Variants in PHRF1 observed in about 807,000 individuals in gnomAD.
PHRF1 encodes PHD and ring finger domains 1.
A neutral mutation model predicts 128.9 loss-of-function variants in PHRF1; 53 were observed. The observed-to-expected ratio is 0.41, with a 90% CI of 0.33 to 0.52. The LOEUF is 0.52. Among genes scored for constraint, PHRF1 ranks in the 20% least tolerant of loss-of-function variants. PHRF1 has a pLI of 0.21. For missense variants in PHRF1, 2,503 were observed against 2,284.5 expected (o/e 1.10, Z -1.95); for synonymous variants, 1,178 against 980.6 (o/e 1.20, Z -3.76).
chr11:608,075 G>A lies in PHRF1; in HGVS notation c.2619G>A (p.Val873=). The part of the protein sequence containing the change: ...ISINSPKAQT[V]QAVRCVTSYT... ...TCAACAGCCCGAAGGCCCAGACGGTGCAGGCTGTGCGCTGCGTCACCTCCT... is the reference window on the plus strand; with the variant it reads ...TCAACAGCCCGAAGGCCCAGACGGTACAGGCTGTGCGCTGCGTCACCTCCT... Residue 873 remains valine, a synonymous_variant, in exon 14 of 18, where the codon GTG becomes GTA. Transcript: ENST00000264555. 6.2e-7 allele frequency: 1 copy of A among 1,611,550 alleles called. No homozygotes were observed. Among genetic ancestry groups the A allele is most frequent in the Non-Finnish European group, 8.5e-7 (1 of 1,179,860 alleles).
Position 581,501 on chromosome 11 carries a change from C to T in PHRF1, c.-12C>T. On this transcript the variant is annotated 5_prime_UTR_variant, in exon 2 of 18. Coordinates refer to ENST00000264555, the MANE Select transcript of PHRF1 (RefSeq NM_001286581.2). ...CTCTTCTTTCTTTCAGAGCTGAGCT[C>T]AATGTGCAGCAATGGATGACGACAG... is the stretch of plus-strand genomic sequence containing the variant. 1.2e-6 allele frequency: 2 copies of T among 1,613,168 alleles called. No homozygotes were observed. The highest frequency in any genetic ancestry group is 1.7e-6 in the Non-Finnish European group (2 of 1,179,700).
chr11:582,595 G>A (rs184089481), intron 3 of PHRF1, among the ~76,000 whole-genome samples: 1 of 152,020 alleles, frequency 6.6e-6, no homozygotes, highest in East Asian at 2.0e-4. Flanking sequence ...CGCGATCTCG[G>A]CTCACTGCAA....
At position 587,747 on chromosome 11, in the gene PHRF1, G is replaced by A. The variant is rs546949016; in HGVS notation, c.420+283G>A. Among the ~76,000 whole-genome samples the A allele has an allele frequency of 2.6e-5, 4 of 152,302 alleles. No homozygotes were observed. In the East Asian group the frequency reaches 5.8e-4, roughly 22 times the overall value. On this transcript the variant is annotated intron_variant, in intron 4 of 17. Coordinates refer to ENST00000264555, the MANE Select transcript of PHRF1 (RefSeq NM_001286581.2). ...AGCTGCAGAAACCCTGGTTGACATAGGGGCCATCTTGGCCTGCAAGCCAGA... is the reference window on the plus strand; with the variant it reads ...AGCTGCAGAAACCCTGGTTGACATAAGGGCCATCTTGGCCTGCAAGCCAGA...
chr11:583,989 G>A (rs562984240), intron 3 of PHRF1, among the ~76,000 whole-genome samples: 1 of 152,368 alleles, frequency 6.6e-6, no homozygotes, highest in Non-Finnish European at 1.5e-5. Flanking sequence ...TGATCTGTGT[G>A]TAGCAGTCTT....
rs780226285 is a variant in PHRF1 at position 597,017 on chromosome 11, G to T, written c.715G>T (p.Ala239Ser). ...TGCTGCGCCTGGTGTTGTCCTTGCC[G>T]CTGGTAAGGACACTGCTCCCGTCCC... Reference protein sequence around the residue: ...ECAAPGVVLAADAGPVSEEEV... With the variant: ...ECAAPGVVLASDAGPVSEEEV... Residue 239 changes from alanine (A) to serine (S), a missense_variant, in exon 7 of 18, where the codon GCT becomes TCT. Transcript: ENST00000264555. The surrounding 1 kb of genome is among the most constrained non-coding windows in gnomAD (Gnocchi z 6.5). 2 of 1,613,390 alleles carry T rather than the reference G, an allele frequency of 1.2e-6. No individual in the cohort carries two copies. Among genetic ancestry groups the T allele is most frequent in the South Asian group, 2.2e-5 (2 of 91,056 alleles).
Position 605,294 on chromosome 11 carries a change from T to G in PHRF1, c.1328T>G (p.Phe443Cys), listed in dbSNP as rs755876372. Residue 443 changes from phenylalanine to cysteine, a missense_variant, in exon 11 of 18, where the codon TTC (phenylalanine) becomes TGC (cysteine). Physicochemically the swap from Phe to Cys is radical, Grantham distance 205 (BLOSUM62 -2). Coordinates refer to ENST00000264555, the MANE Select transcript of PHRF1 (RefSeq NM_001286581.2). ...LFGDPYELDPFDSSEELSANP... is the reference protein window; with the variant it reads ...LFGDPYELDPCDSSEELSANP... ...GGAGATCCTTATGAGCTGGATCCCT[T>G]CGACAGGTGAGTGAACTGGTGATGG... is the stretch of plus-strand genomic sequence containing the variant. 1 of 1,613,126 alleles carries G rather than the reference T, an allele frequency of 6.2e-7. No individual in the cohort carries two copies. Among genetic ancestry groups the G allele is most frequent in the Admixed American group, 1.7e-5 (1 of 60,018 alleles).
chr11:608,831 C>T lies in PHRF1; in HGVS notation c.3375C>T (p.Pro1125=). The T allele has an allele frequency of 1.9e-6, 3 of 1,612,176 alleles. No homozygotes were observed. Among genetic ancestry groups the T allele is most frequent in the African/African-American group, 1.3e-5 (1 of 75,032 alleles). ...ASRPRGRECS[P]TSSLERLCRH... The stretch of plus-strand genomic sequence containing the variant: ...GACCTCGGGGAAGGGAGTGCTCCCC[C>T]ACCAGCAGCCTGGAGAGGCTCTGCA... The change falls in exon 14 of 18, where the codon CCC becomes CCT. Residue 1125 remains proline, a synonymous_variant. Coordinates refer to ENST00000264555, the MANE Select transcript of PHRF1 (RefSeq NM_001286581.2).
Position 597,232 on chromosome 11 carries a change from G to A in PHRF1, c.719-163G>A, listed in dbSNP as rs953409571. ...TGGGGTCCATTGGCTGGGGGGTTCC[G>A]GTCCTCAGTGTTAGGAGCACCAGGC... On this transcript the variant is annotated intron_variant, in intron 7 of 17. Coordinates refer to ENST00000264555, the MANE Select transcript of PHRF1 (RefSeq NM_001286581.2). This position sits in a 1 kb window ranked among gnomAD's most constrained non-coding sequence, Gnocchi z 6.5. Among the ~76,000 whole-genome samples the A allele has an allele frequency of 1.3e-5, 2 of 151,990 alleles. No individual in the cohort carries two copies. Among genetic ancestry groups the A allele is most frequent in the Non-Finnish European group, 2.9e-5 (2 of 67,980 alleles).
chr11:611,852 C>A lies in PHRF1; in HGVS notation c.*75C>A. 1 of 1,510,034 alleles carries A rather than the reference C, an allele frequency of 6.6e-7. No individual in the cohort carries two copies. Among genetic ancestry groups the A allele is most frequent in the Non-Finnish European group, 8.8e-7 (1 of 1,131,890 alleles). The allele number at this position is 1,510,034 out of a possible 1,614,324, so 93.5% of individuals were successfully genotyped here. ...ATCGGGGCCATGCCCGGGGAGCTGT[C>A]GGGAGTGGCGGGAATCGGGGCCATG... On this transcript the variant is annotated 3_prime_UTR_variant, in exon 18 of 18. Coordinates refer to ENST00000264555, the MANE Select transcript of PHRF1 (RefSeq NM_001286581.2).
At chr11:591,933 G>A (rs1589874257) in intron 5 of PHRF1, among the ~76,000 whole-genome samples, 4 of 125,260 alleles carry the variant, frequency 3.2e-5, no homozygotes, top group East Asian at 2.5e-4. Context: ...TTTTTTTCCC[G>A]AGACAAGAGT....
At position 597,396 on chromosome 11, in the gene PHRF1, T is replaced by C; in HGVS notation, c.720T>C (p.Asp240=). 1 of 1,611,438 alleles carries C rather than the reference T, an allele frequency of 6.2e-7. No individual in the cohort carries two copies. The highest frequency in any genetic ancestry group is 8.5e-7 in the Non-Finnish European group (1 of 1,178,560). The change falls in exon 8 of 18, where the codon GAT becomes GAC. Residue 240 remains aspartate, a splice_region_variant and synonymous_variant. Transcript: ENST00000264555. This position sits in a 1 kb window ranked among gnomAD's most constrained non-coding sequence, Gnocchi z 6.5. ...CAAPGVVLAA[D]AGPVSEEEVS... ...ATCAGCCCTGGTGGTTCTTCCCAGA[T>C]GCGGGTCCCGTGAGTGAGGAGGAGG... is the stretch of plus-strand genomic sequence containing the variant.
In PHRF1 at chr11:597,413, A is replaced by G. The variant is rs1339921672; in HGVS notation, c.737A>G (p.Glu246Gly). ...VLAADAGPVS[E>G]EEVSLLLADV... ...TTCCCAGATGCGGGTCCCGTGAGTG[A>G]GGAGGAGGTCTCCCTGCTCTTGGCT... Residue 246 changes from glutamate (E) to glycine (G), a missense_variant, in exon 8 of 18, where the codon GAG (glutamate) becomes GGG (glycine). Transcript: ENST00000264555. The surrounding 1 kb of genome is among the most constrained non-coding windows in gnomAD (Gnocchi z 6.5). 6.2e-7 allele frequency: 1 copy of G among 1,612,866 alleles called. No individual in the cohort carries two copies. Among genetic ancestry groups the G allele is most frequent in the Non-Finnish European group, 8.5e-7 (1 of 1,179,470 alleles).
chr11:609,646 G>C lies in PHRF1; in HGVS notation c.4190G>C (p.Arg1397Thr), dbSNP rs1461762657. The C allele has an allele frequency of 6.4e-7, 1 of 1,571,262 alleles. No individual in the cohort carries two copies. Among genetic ancestry groups the C allele is most frequent in the Non-Finnish European group, 8.6e-7 (1 of 1,160,676 alleles). Residue 1397 changes from arginine to threonine, a missense_variant, in exon 14 of 18, where the codon AGA becomes ACA. Coordinates refer to ENST00000264555, the MANE Select transcript of PHRF1 (RefSeq NM_001286581.2). ...VVSQTPLLRS[R>T]ALVKRVTWNL... ...TCGCAGACCCCCCTGCTGCGGTCCA[G>C]AGCCCTGGTGAAGCGGGTCACCTGG...
At position 609,288 on chromosome 11, in the gene PHRF1, G is replaced by A. The variant is rs1019273387; in HGVS notation, c.3832G>A (p.Ala1278Thr). 1.2e-5 allele frequency: 19 copies of A among 1,612,242 alleles called. No individual in the cohort carries two copies. The highest frequency in any genetic ancestry group is 1.6e-4 in the Middle Eastern group (1 of 6,084). The stretch of plus-strand genomic sequence containing the variant: ...CGTCTTTGATGATTTCTCAAGCGAC[G>A]CCGTTTTCATCCAGCTCGATGACAT... ...GHVFDDFSSDAVFIQLDDMSS... is the reference protein window; with the variant it reads ...GHVFDDFSSDTVFIQLDDMSS... Residue 1278 changes from alanine (A) to threonine (T), a missense_variant, in exon 14 of 18, where the codon GCC (alanine) becomes ACC (threonine). Physicochemically the swap from Ala to Thr is moderately conservative, Grantham distance 58. Transcript: ENST00000264555.
intron 6 of PHRF1, among the ~76,000 whole-genome samples, chr11:594,429 A>G (rs1855166367): frequency 1.3e-5 from 2 of 151,890 alleles, no homozygotes; most frequent in South Asian, 4.2e-4. Context: ...TCATTTACTT[A>G]TTTTTTTCAA....
At position 596,420 on chromosome 11, in the gene PHRF1, G is replaced by C. The variant is rs573979654; in HGVS notation, c.621-503G>C. Among the ~76,000 whole-genome samples the C allele has an allele frequency of 4.6e-5, 7 of 152,298 alleles. No individual in the cohort carries two copies. In the South Asian group the frequency reaches 1.2e-3, roughly 27 times the overall value. On this transcript the variant is annotated intron_variant, in intron 6 of 17. Coordinates refer to ENST00000264555, the MANE Select transcript of PHRF1 (RefSeq NM_001286581.2). ...TGTTTGAAAACCCGGGAGTGAGGGT[G>C]GGGGAGACAAGCTCTCTGGGAAGGG...
rs746722170 is a variant in PHRF1, at chr11:598,475, A to G, written c.997A>G (p.Thr333Ala). 10 of 1,609,646 alleles carry G rather than the reference A, an allele frequency of 6.2e-6. No individual in the cohort carries two copies. The highest frequency in any genetic ancestry group is 8.5e-6 in the Non-Finnish European group (10 of 1,179,470). Reference sequence around the variant, plus strand: ...GTATCAGCGCCCCCTGACGCCGCGCACTCCCGCCCGACGGAAGAGGAAGAC... The same window carrying G: ...GTATCAGCGCCCCCTGACGCCGCGCGCTCCCGCCCGACGGAAGAGGAAGAC... Reference protein sequence around the residue: ...AVYQRPLTPRTPARRKRKTRR... With the variant: ...AVYQRPLTPRAPARRKRKTRR... The change falls in exon 9 of 18, where the codon ACT (threonine) becomes GCT (alanine). Residue 333 changes from threonine to alanine, a missense_variant. By Grantham distance (58) the Thr-to-Ala change is moderately conservative. Coordinates refer to ENST00000264555, the MANE Select transcript of PHRF1 (RefSeq NM_001286581.2).
In PHRF1 at chr11:612,166, C is replaced by T. The variant is rs1438517566; in HGVS notation, c.*389C>T. On this transcript the variant is annotated 3_prime_UTR_variant, in exon 18 of 18. Coordinates refer to ENST00000264555, the MANE Select transcript of PHRF1 (RefSeq NM_001286581.2). ...AAATCTCTAGGTGGCCTCCCGCCAA[C>T]AGCTGCTGTGTACCTTTGGCTCTGA... 9 of 318,850 alleles carry T rather than the reference C, an allele frequency of 2.8e-5. No homozygotes were observed. Among genetic ancestry groups the T allele is most frequent in the Non-Finnish European group, 5.2e-5 (9 of 171,594 alleles). 19.8% of individuals were successfully genotyped at this position (318,850 alleles called of 1,614,324 possible). A position where few individuals can be genotyped will look rare whatever the true frequency, so the allele number is the denominator to read the frequency against.
At chr11:585,487 C>T (rs71283533) in intron 3 of PHRF1, among the ~76,000 whole-genome samples, 39 of 120,144 alleles carry the variant, frequency 3.2e-4, no homozygotes, top group African/African-American at 1.3e-3. Context: ...AGGTAGTAGC[C>T]CTTTCCAGCT....
Sources: gnomAD v4.1 joint callset for allele counts (sites outside exome capture counted in the v4.1 genomes callset) on GRCh38, gnomAD v4.1.1 for gene constraint, Gnocchi (gnomAD v3.1) non-coding constraint, MANE v1.5 for transcripts, NCBI Gene and HGNC (gene_info 2026-07-23, HGNC 2026-07-21) for gene names.